The following SGSM3 variants were observed in gnomAD, a reference collection of about 807,000 sequenced individuals.
SGSM3 encodes the protein RUN and SH3 containing 3.
A neutral mutation model predicts 100.5 loss-of-function variants in SGSM3; 96 were observed. The ratio of observed to expected loss-of-function variants is 0.96; its 90% CI spans 0.81 to 1.13. The LOEUF (loss-of-function observed/expected upper bound fraction) is 1.13, where lower values mean the gene tolerates loss of function less well. SGSM3 is among the 50% of genes most tolerant of loss of function. The probability of loss-of-function intolerance (pLI) is 0.00; values close to 1 mark genes in which losing one functional copy is unlikely to be tolerated. For missense variants in SGSM3, 1,001 were observed against 1,015.8 expected (o/e 0.99, Z 0.20); for synonymous variants, 483 against 422.8 (o/e 1.14, Z -1.75).
chr22:40,385,896 G>A (rs1259814602), intron 1 of SGSM3, among the ~76,000 whole-genome samples: 1 of 152,084 alleles, frequency 6.6e-6, no homozygotes, highest in African/African-American at 2.4e-5. Context: ...TGGTTGCCCA[G>A]GCTGGAGTGC....
intron 1 of SGSM3, among the ~76,000 whole-genome samples, chr22:40,388,698 T>C (rs2048856585): frequency 6.6e-6 from 1 of 151,970 alleles, no homozygotes; most frequent in Non-Finnish European, 1.5e-5. Flanking sequence ...ATAATAATCA[T>C]GATGGTGAAA....
Position 40,409,003 on chromosome 22 carries a change from TCTGCGTGGGGCTCAA to T in SGSM3, c.1974_1988del (p.Cys659_Asn663del). The T allele has an allele frequency of 6.4e-7, 1 of 1,570,784 alleles. No individual in the cohort carries two copies. The highest frequency in any genetic ancestry group is 8.6e-7 in the Non-Finnish European group (1 of 1,157,690). Reference sequence around the variant, plus strand: ...ATGGATGTGAAGCTCCGCTCACTGATCTGCGTGGGGCTCAAGTGAGTGTGGAAAAGGGGTTGGAGG... The same window carrying T: ...ATGGATGTGAAGCTCCGCTCACTGATGTGAGTGTGGAAAAGGGGTTGGAGG... On this transcript the variant is annotated inframe_deletion and splice_region_variant, in exon 19 of 22. Transcript: ENST00000248929.
chr22:40,408,123 G>A lies in SGSM3; in HGVS notation c.1629+3G>A. The A allele has an allele frequency of 6.2e-7, 1 of 1,612,074 alleles. No individual in the cohort carries two copies. The highest frequency in any genetic ancestry group is 8.5e-7 in the Non-Finnish European group (1 of 1,178,816). Reference sequence around the variant, plus strand: ...TCCTGGATGAGCGCAGCAAAGAGGTGAGGGGGGTGGGCGGGCTAGGCACGG... The same window carrying A: ...TCCTGGATGAGCGCAGCAAAGAGGTAAGGGGGGTGGGCGGGCTAGGCACGG... On this transcript the variant is annotated splice_donor_region_variant and intron_variant, in intron 15 of 21. Coordinates refer to ENST00000248929, the MANE Select transcript of SGSM3 (RefSeq NM_015705.6).
chr22:40,377,363 A>C (rs768834634), intron 1 of SGSM3, among the ~76,000 whole-genome samples: 2 of 152,228 alleles, frequency 1.3e-5, no homozygotes, highest in African/African-American at 2.4e-5. Flanking sequence ...ATATCTGGGC[A>C]CTAGAGCTGC....
intron 1 of SGSM3, among the ~76,000 whole-genome samples, chr22:40,396,314 G>A (rs1392849635): frequency 6.6e-5 from 10 of 151,984 alleles, no homozygotes; most frequent in Non-Finnish European, 2.9e-5. Context: ...TGCTCAGGCC[G>A]GGTGCGGTGG....
intron 10 of SGSM3, 158 bp downstream of exon 10, chr22:40,406,820 C>A: frequency 3.5e-6 from 3 of 846,442 alleles, no homozygotes; most frequent in Non-Finnish European, 5.6e-6. Context: ...GTGATCCAGG[C>A]CTCCTCAGGC....
rs755481216 is a variant in SGSM3 at position 40,409,788 on chromosome 22, C to T, written c.*29C>T. The stretch of plus-strand genomic sequence containing the variant: ...CCTCCTCCCCAGCCCAACCTCGGGC[C>T]TGCGTCTGAGGTGGCCCAGGACCCC... On this transcript the variant is annotated 3_prime_UTR_variant, in exon 22 of 22. Transcript: ENST00000248929. The T allele has an allele frequency of 1.3e-6, 2 of 1,597,824 alleles. No homozygotes were observed. The highest frequency in any genetic ancestry group is 1.7e-6 in the Non-Finnish European group (2 of 1,176,728).
chr22:40,409,057 G>C (rs754308560), intron 19 of SGSM3, 39 bp downstream of exon 19: 10 of 1,553,554 alleles, frequency 6.4e-6, no homozygotes, highest in Admixed American at 2.0e-5. Context: ...GCCCTGGAGT[G>C]GGGGGACCCA....
In SGSM3 at chr22:40,407,852, C is replaced by G; in HGVS notation, c.1579+9C>G. 6.2e-7 allele frequency: 1 copy of G among 1,608,068 alleles called. No individual in the cohort carries two copies. Among genetic ancestry groups the G allele is most frequent in the Non-Finnish European group, 8.5e-7 (1 of 1,176,682 alleles). On this transcript the variant is annotated intron_variant, in intron 14 of 21. Transcript: ENST00000248929. The surrounding 1 kb of genome is among the most constrained non-coding windows in gnomAD (Gnocchi z 4.7). ...GCTCAACGGCCTGCGAGGTGGGGTC[C>G]TTGGTCTGCTCTTGAGCTGGGAGAG...
chr22:40,395,355 T>C (rs1203713244), intron 1 of SGSM3, among the ~76,000 whole-genome samples: 2 of 151,538 alleles, frequency 1.3e-5, no homozygotes, highest in Non-Finnish European at 2.9e-5. Context: ...AGGATCTCAC[T>C]CTGTCGCCCA....
chr22:40,372,119 C>T (rs376278455), intron 1 of SGSM3, among the ~76,000 whole-genome samples: 3 of 120,594 alleles, frequency 2.5e-5, no homozygotes, highest in African/African-American at 6.6e-5. Context: ...CTGTCCCCCC[C>T]CCCTTTTTTT....
In SGSM3 at chr22:40,407,872, G is replaced by T. The variant is rs542478187; in HGVS notation, c.1579+29G>T. On this transcript the variant is annotated intron_variant, in intron 14 of 21. Transcript: ENST00000248929. This position sits in a 1 kb window ranked among gnomAD's most constrained non-coding sequence, Gnocchi z 4.7. ...GGGTCCTTGGTCTGCTCTTGAGCTG[G>T]GAGAGGGAGGAGGGGGTGGGCACAG... The T allele has an allele frequency of 7.3e-5, 117 of 1,592,768 alleles. 3 individuals carry two copies. The South Asian group carries it at 1.2e-3, about 17-fold the overall frequency.
intron 2 of SGSM3, 64 bp from the exon 3 acceptor site, chr22:40,401,529 A>G (rs925089847): frequency 3.1e-6 from 4 of 1,309,678 alleles, no homozygotes; most frequent in African/African-American, 1.5e-5. Flanking sequence ...TACAGGCGTG[A>G]GCCACTGCGC....
chr22:40,406,952 C>A, intron 10 of SGSM3, 65 bp from the exon 11 acceptor site: 1 of 1,481,092 alleles, frequency 6.8e-7, no homozygotes, highest in Non-Finnish European at 9.2e-7. Context: ...CAGTATAAGC[C>A]AAGGGCTGGT....
chr22:40,376,975 G>A (rs959215707), intron 1 of SGSM3, among the ~76,000 whole-genome samples: 3 of 152,100 alleles, frequency 2.0e-5, no homozygotes, highest in African/African-American at 7.2e-5. Context: ...ATCACTGTCC[G>A]GCAGGAAACA....
intron 1 of SGSM3, among the ~76,000 whole-genome samples, chr22:40,381,136 CTTTTCTTTTTTTTTCT>C (rs776614247): frequency 1.3e-5 from 2 of 151,902 alleles, no homozygotes; most frequent in Non-Finnish European, 2.9e-5. Context: ...GAGGTACACG[CTTTTCTTTTTTTTTCT>C]TTTTCTTTTT....
rs547605582 is a variant in SGSM3, at chr22:40,408,879, T to C, written c.1902+37T>C. The C allele has an allele frequency of 2.0e-5, 33 of 1,613,942 alleles. No homozygotes were observed. The East Asian group carries it at 6.5e-4, about 32-fold the overall frequency. Reference sequence around the variant, plus strand: ...TCCTCTGCCAGACCCTAGAGACCTCTCTGGGGTTAGCCTGTGGGGGAGCCT... The same window carrying C: ...TCCTCTGCCAGACCCTAGAGACCTCCCTGGGGTTAGCCTGTGGGGGAGCCT... On this transcript the variant is annotated intron_variant, in intron 18 of 21. Coordinates refer to ENST00000248929, the MANE Select transcript of SGSM3 (RefSeq NM_015705.6).
intron 1 of SGSM3, among the ~76,000 whole-genome samples, chr22:40,400,183 G>T (rs1475667491): frequency 6.6e-6 from 1 of 152,192 alleles, no homozygotes; most frequent in Non-Finnish European, 1.5e-5. Context: ...TTCTCATTGT[G>T]TGAAAAATGG....
chr22:40,396,592 CAAAA>C (rs778373023), intron 1 of SGSM3, among the ~76,000 whole-genome samples: 2 of 44,450 alleles, frequency 4.5e-5, no homozygotes, highest in East Asian at 6.3e-4. Context: ...GACTCTGTCT[CAAAA>C]AAAAAAAAAA....
Sources: gnomAD v4.1 joint callset for allele counts (sites outside exome capture counted in the v4.1 genomes callset) on GRCh38, gnomAD v4.1.1 for gene constraint, Gnocchi (gnomAD v3.1) non-coding constraint, MANE v1.5 for transcripts, NCBI Gene and HGNC (gene_info 2026-07-23, HGNC 2026-07-21) for gene names.